ELAVL4: variants seen among roughly 807,000 people sequenced by gnomAD.
The protein encoded by ELAVL4 is ELAV-like protein 4.
In ELAVL4, 1 loss-of-function variant was observed where a neutral mutation model predicts 35.6. The observed-to-expected ratio is 0.03, with a 90% CI of 0.01 to 0.13. The LOEUF is 0.13. Ranked by LOEUF, ELAVL4 falls within the 10% of genes least tolerant of loss-of-function variation. ELAVL4 has a pLI of 1.00. For missense variants in ELAVL4, 267 were observed against 464.9 expected (o/e 0.57, Z 3.91); for synonymous variants, 156 against 171.0 (o/e 0.91, Z 0.69).
chr1:50,089,984 A>G (rs1267003854), intron 1 of ELAVL4, among the ~76,000 whole-genome samples: 1 of 152,170 alleles, frequency 6.6e-6, no homozygotes, highest in African/African-American at 2.4e-5. Flanking sequence ...TAAAAGCCTC[A>G]AAAGCATTTG....
At chr1:50,106,076 C>T, upstream of ELAVL4, 1 of 412,754 alleles carries the variant, frequency 2.4e-6, no homozygotes, top group East Asian at 3.4e-5. Flanking sequence ...ATTCACGCTT[C>T]CATTTCTGTT....
At chr1:50,108,367 A>T (rs1184932302), upstream of ELAVL4, among the ~76,000 whole-genome samples, 1 of 152,218 alleles carries the variant, frequency 6.6e-6, no homozygotes, top group African/African-American at 2.4e-5. Context: ...AAGGAGCATT[A>T]CTTACTAAAA....
In ELAVL4 at chr1:50,173,838, G is replaced by GA. The variant is rs371703289; in HGVS notation, c.251-3242dup. On this transcript the variant is annotated intron_variant, in intron 2 of 6. Transcript: ENST00000371824. ...TAAAGGGAGAAGATGTAGCCATTTG[G>GA]AAAAAAAAAGAAAGAGTAATAAAAA... Among the ~76,000 whole-genome samples, 9 of 149,798 alleles carry GA rather than the reference G, an allele frequency of 6.0e-5. No individual in the cohort carries two copies. The East Asian group carries it at 7.8e-4, about 13-fold the overall frequency.
At chr1:50,159,625 A>G (rs183000035) in intron 2 of ELAVL4, among the ~76,000 whole-genome samples, 130 of 152,012 alleles carry the variant, frequency 8.6e-4, no homozygotes, top group African/African-American at 3.1e-3. Flanking sequence ...AAAAAAAAAA[A>G]TGGGGGGCTC....
chr1:50,113,438 T>C (rs1667420164), intron 1 of ELAVL4, among the ~76,000 whole-genome samples: 1 of 152,160 alleles, frequency 6.6e-6, no homozygotes, highest in South Asian at 2.1e-4. Flanking sequence ...ATAGAGGTCA[T>C]CATACATAGA....
In ELAVL4 at chr1:50,145,042, C is replaced by G. The variant is rs1673452636; in HGVS notation, c.95C>G (p.Pro32Arg). The change falls in exon 2 of 7, where the codon CCT becomes CGT. Residue 32 changes from proline to arginine, a missense_variant. This residue lies in a region of ELAVL4 where 51 missense variants were observed against 55.4 expected (regional missense o/e 0.92). Transcript: ENST00000371824. ...NGPSSNNRNC[P>R]SPMQTGATTD... ...CCCTCCAGCAACAACAGAAACTGTC[C>G]TTCTCCCATGCAAACAGGGGCAACC... 1 of 1,613,942 alleles carries G rather than the reference C, an allele frequency of 6.2e-7. No homozygotes were observed. Among genetic ancestry groups the G allele is most frequent in the Non-Finnish European group, 8.5e-7 (1 of 1,179,924 alleles).
rs147316177 is a variant in ELAVL4 at position 50,073,332 on chromosome 1, G to A, written c.18+25150G>A. On this transcript the variant is annotated intron_variant, in intron 1 of 6. Transcript: ENST00000448907. ...GAAATGTGGAGATTTTGTGGATGGG[G>A]ACAATGATATTTGACAAATTCTTTT... Among the ~76,000 whole-genome samples, 560 of 152,226 alleles carry A rather than the reference G, an allele frequency of 3.7e-3. 4 individuals are homozygous for A. The highest frequency in any genetic ancestry group is 0.012 in the African/African-American group (507 of 41,538).
At chr1:50,190,319 CTTTCAGCCTAACCAAGGGCCT>C (rs376839204) in intron 3 of ELAVL4, among the ~76,000 whole-genome samples, 90 of 152,304 alleles carry the variant, frequency 5.9e-4, no homozygotes, top group African/African-American at 2.0e-3. Flanking sequence ...TTTTGGAAAT[CTTTCAGCCTAACCAAGGGCCT>C]GACCACTGTA....
At chr1:50,104,174 C>A (rs1042572859), upstream of ELAVL4, among the ~76,000 whole-genome samples, 7 of 152,184 alleles carry the variant, frequency 4.6e-5, no homozygotes, top group African/African-American at 1.4e-4. Flanking sequence ...TCTCTCCCCC[C>A]AGTCCCCAGT....
intron 2 of ELAVL4, among the ~76,000 whole-genome samples, chr1:50,150,180 G>A (rs1179631459): frequency 6.6e-6 from 1 of 152,194 alleles, no homozygotes; most frequent in Non-Finnish European, 1.5e-5. Flanking sequence ...ATGGTCAAAT[G>A]AAGTTAAGCA....
chr1:50,177,136 G>T lies in ELAVL4; in HGVS notation c.298G>T (p.Ala100Ser), dbSNP rs1278816516. 6.2e-7 allele frequency: 1 copy of T among 1,614,042 alleles called. No individual in the cohort carries two copies. The change falls in exon 3 of 7, where the codon GCA becomes TCA. Residue 100 changes from alanine (A) to serine (S), a missense_variant. Ala to Ser is a moderately conservative substitution (Grantham distance 99). Around this residue, in one of 2 missense-constraint regions of ELAVL4, gnomAD observed 216 missense variants for 409.5 expected, o/e 0.53. Transcript: ENST00000371824. ...TGTTAACTATATTGATCCAAAGGAT[G>T]CAGAGAAAGCCATCAACACTTTAAA... ...GFVNYIDPKD[A>S]EKAINTLNGL...
intron 2 of ELAVL4, among the ~76,000 whole-genome samples, chr1:50,159,804 A>G (rs115278924): frequency 1.3e-3 from 194 of 152,238 alleles, no homozygotes; most frequent in Non-Finnish European, 2.1e-3. Context: ...GGTGGGAGAC[A>G]AGGAGGCAGT....
In ELAVL4 at chr1:50,183,913, G is replaced by A. The variant is rs147335814; in HGVS notation, c.354+6721G>A. Among the ~76,000 whole-genome samples the A allele has an allele frequency of 4.6e-5, 7 of 152,206 alleles. No individual in the cohort carries two copies. The East Asian group carries it at 1.4e-3, about 29-fold the overall frequency. On this transcript the variant is annotated intron_variant, in intron 3 of 6. Coordinates refer to ENST00000371824, the MANE Select transcript of ELAVL4 (RefSeq NM_001144774.3). ...CCTCAGTCTTGTTAATAGTAAAAAGGCATTTTCTCTCCTCCTCCATTACCG... is the reference window on the plus strand; with the variant it reads ...CCTCAGTCTTGTTAATAGTAAAAAGACATTTTCTCTCCTCCTCCATTACCG...
rs561838124 is a variant in ELAVL4, at chr1:50,145,409, T to C, written c.250+212T>C. On this transcript the variant is annotated intron_variant, in intron 2 of 6. Transcript: ENST00000371824. The stretch of plus-strand genomic sequence containing the variant: ...GAGCAGATGAAGATTTTGGTACATC[T>C]TCATCTTCATGTAAAATGATCCTTT... Among the ~76,000 whole-genome samples, 89 of 152,334 alleles carry C rather than the reference T, an allele frequency of 5.8e-4. 2 individuals are homozygous for C. The South Asian group carries it at 0.01, about 17-fold the overall frequency.
At chr1:50,193,530 C>A (rs965262543) in intron 3 of ELAVL4, among the ~76,000 whole-genome samples, 1 of 152,066 alleles carries the variant, frequency 6.6e-6, no homozygotes, top group African/African-American at 2.4e-5. Flanking sequence ...CTTAGAGACC[C>A]TTATCTGTGC....
chr1:50,117,026 A>G (rs767827467), intron 1 of ELAVL4, among the ~76,000 whole-genome samples: 1 of 152,178 alleles, frequency 6.6e-6, no homozygotes. Flanking sequence ...GAAGCTTTAC[A>G]TAAATGTGCA....
intron 2 of ELAVL4, among the ~76,000 whole-genome samples, chr1:50,145,926 A>G (rs1047760382): frequency 9.2e-5 from 14 of 152,196 alleles, no homozygotes; most frequent in Admixed American, 9.2e-4. Flanking sequence ...TGTTTGCCAG[A>G]CACTGACACT....
At chr1:50,106,269 G>A (rs575853595), upstream of ELAVL4, 2 of 1,592,918 alleles carry the variant, frequency 1.3e-6, no homozygotes, top group Admixed American at 1.7e-5. Context: ...GCTGGCTGCC[G>A]GCGACTGATG....
chr1:50,193,749 TCTTGC>T lies in ELAVL4; in HGVS notation c.355-12_355-8del, dbSNP rs766855880. On this transcript the variant is annotated splice_polypyrimidine_tract_variant and intron_variant, in intron 3 of 6. Transcript: ENST00000371824. The stretch of plus-strand genomic sequence containing the variant: ...GATTGCCTATAATGGAATTAGCTCC[TCTTGC>T]CTTTTCCTAGGTCTCATATGCCCGT... 2 of 1,610,898 alleles carry T rather than the reference TCTTGC, an allele frequency of 1.2e-6. No individual in the cohort carries two copies. The highest frequency in any genetic ancestry group is 1.3e-5 in the African/African-American group (1 of 74,870).
Sources: allele counts gnomAD v4.1 joint callset (sites outside exome capture counted in the v4.1 genomes callset), GRCh38; gene constraint gnomAD v4.1.1; regional missense constraint gnomAD v4.1.1; transcripts MANE v1.5; gene names NCBI Gene and HGNC (gene_info 2026-07-23, HGNC 2026-07-21).